Variants in PRKCB observed in about 807,000 individuals in gnomAD.
The protein encoded by PRKCB is protein kinase C beta type.
A neutral mutation model predicts 81.5 loss-of-function variants in PRKCB; 13 were observed. The observed-to-expected ratio is 0.16, with a 90% CI of 0.10 to 0.25. The LOEUF (loss-of-function observed/expected upper bound fraction) is 0.25. Ranked by LOEUF, PRKCB falls within the 10% of genes least tolerant of loss-of-function variation. The pLI, the probability that PRKCB is intolerant of heterozygous loss-of-function variation, is 1.00. For missense variants in PRKCB, 509 were observed against 875.7 expected (o/e 0.58, Z 5.29); for synonymous variants, 335 against 321.4 (o/e 1.04, Z -0.45).
chr16:23,892,741 G>A (rs1293398483), intron 2 of PRKCB, among the ~76,000 whole-genome samples: 1 of 152,148 alleles, frequency 6.6e-6, no homozygotes, highest in African/African-American at 2.4e-5. Flanking sequence ...AACACAATCT[G>A]AGGGGATATA....
intron 2 of PRKCB, among the ~76,000 whole-genome samples, chr16:23,875,703 CACAT>C (rs1295851710): frequency 1.6e-5 from 2 of 127,502 alleles, no homozygotes; most frequent in Non-Finnish European, 3.4e-5. Flanking sequence ...ATGTATATCA[CACAT>C]ATATATGTAT....
intron 2 of PRKCB, among the ~76,000 whole-genome samples, chr16:23,949,237 G>C (rs28379198): frequency 5.1e-4 from 77 of 152,260 alleles, no homozygotes; most frequent in Non-Finnish European, 8.8e-4. Flanking sequence ...AAGAACGAAC[G>C]AATGGACAAA....
At chr16:23,954,416 G>T (rs1246691242) in intron 2 of PRKCB, among the ~76,000 whole-genome samples, 7 of 152,188 alleles carry the variant, frequency 4.6e-5, no homozygotes, top group Non-Finnish European at 1.0e-4. Context: ...AAGGATGATG[G>T]GCTCCTCGGG....
intron 2 of PRKCB, among the ~76,000 whole-genome samples, chr16:23,961,309 C>A (rs77072498): frequency 0.11 from 16,992 of 152,126 alleles, 1,033 homozygotes; most frequent in South Asian, 0.16. Context: ...TTATGTATAA[C>A]AAAATGTAAG....
intron 16 of PRKCB, among the ~76,000 whole-genome samples, chr16:24,193,126 ATTT>A (rs1488900793): frequency 6.6e-6 from 1 of 151,802 alleles, no homozygotes; most frequent in East Asian, 1.9e-4. Context: ...TGTCTGCCTA[ATTT>A]TTTATTTTTA....
chr16:23,945,738 A>AAAG, intron 2 of PRKCB, among the ~76,000 whole-genome samples: 1 of 152,054 alleles, frequency 6.6e-6, no homozygotes, highest in Middle Eastern at 3.2e-3. Context: ...AGAAAAAGAA[A>AAAG]AAGAAAAAGA....
intron 8 of PRKCB, among the ~76,000 whole-genome samples, chr16:24,120,869 G>T (rs1283782585): frequency 6.6e-6 from 1 of 152,092 alleles, no homozygotes; most frequent in Non-Finnish European, 1.5e-5. Context: ...GCGTAGCTGG[G>T]ACTACAGGCA....
At position 23,904,967 on chromosome 16, in the gene PRKCB, A is replaced by G. The variant is rs571406608; in HGVS notation, c.205+67561A>G. Among the ~76,000 whole-genome samples the G allele has an allele frequency of 3.3e-5, 5 of 151,910 alleles. No homozygotes were observed. The East Asian group carries it at 9.7e-4, about 29-fold the overall frequency. ...GTCATGGAAAAGGCCAGCTTTTAGC[A>G]TGCCTGGTGTTTCTGGTGTTTTCTT... On this transcript the variant is annotated intron_variant, in intron 2 of 16. Transcript: ENST00000643927.
intron 2 of PRKCB, among the ~76,000 whole-genome samples, chr16:23,902,070 TG>T (rs1246224900): frequency 2.0e-5 from 3 of 152,040 alleles, no homozygotes; most frequent in African/African-American, 7.2e-5. Context: ...GGAAGAGATT[TG>T]ATTTTAACTC....
intron 10 of PRKCB, among the ~76,000 whole-genome samples, chr16:24,164,777 G>A (rs1051207228): frequency 3.9e-5 from 6 of 152,192 alleles, no homozygotes; most frequent in African/African-American, 4.8e-5. Flanking sequence ...AAGTCGATAC[G>A]CAAGAAATAC....
intron 2 of PRKCB, among the ~76,000 whole-genome samples, chr16:23,972,028 AC>A (rs1223858660): frequency 6.6e-6 from 1 of 152,180 alleles, no homozygotes; most frequent in African/African-American, 2.4e-5. Context: ...TGTTAAAAAA[AC>A]CCCAGAATAT....
intron 2 of PRKCB, among the ~76,000 whole-genome samples, chr16:23,864,625 GC>G (rs1303753247): frequency 6.6e-6 from 1 of 152,216 alleles, no homozygotes; most frequent in Non-Finnish European, 1.5e-5. Flanking sequence ...ATTGGGAGTT[GC>G]TGTGATCAAA....
intron 9 of PRKCB, among the ~76,000 whole-genome samples, chr16:24,141,557 G>A (rs1016507626): frequency 2.0e-5 from 3 of 152,182 alleles, no homozygotes; most frequent in South Asian, 2.1e-4. Flanking sequence ...CAGAGATGAG[G>A]TAGCTTAAGC....
intron 5 of PRKCB, among the ~76,000 whole-genome samples, chr16:24,045,067 A>C (rs774260207): frequency 2.2e-4 from 33 of 152,184 alleles, no homozygotes; most frequent in Non-Finnish European, 3.2e-4. Context: ...TGTAGTTTTC[A>C]TTACGTTTCA....
At chr16:23,970,183 T>G (rs1390491018) in intron 2 of PRKCB, among the ~76,000 whole-genome samples, 2 of 152,226 alleles carry the variant, frequency 1.3e-5, no homozygotes, top group Non-Finnish European at 1.5e-5. Context: ...CTTGTGTGTT[T>G]GTATTTGGAC....
intron 13 of PRKCB, among the ~76,000 whole-genome samples, chr16:24,182,150 C>T (rs1282127413): frequency 1.3e-5 from 2 of 152,098 alleles, no homozygotes; most frequent in Admixed American, 6.5e-5. Flanking sequence ...ACACAACTTC[C>T]TGATAGGCCA....
intron 2 of PRKCB, among the ~76,000 whole-genome samples, chr16:23,967,012 A>T (rs145316102): frequency 2.9e-4 from 42 of 147,306 alleles, no homozygotes; most frequent in African/African-American, 8.0e-4. Context: ...AGTGGTTTCC[A>T]TTTTTTTTTT....
intron 2 of PRKCB, among the ~76,000 whole-genome samples, chr16:23,981,583 T>TCCTTTCCTTCCCTTCCCTTC (rs1567333308): frequency 6.7e-6 from 1 of 150,064 alleles, no homozygotes; most frequent in Non-Finnish European, 1.5e-5. Context: ...TCTTTTCCTT[T>TCCTTTCCTTCCCTTCCCTTC]CCTTTCCTTC....
intron 8 of PRKCB, among the ~76,000 whole-genome samples, chr16:24,117,066 C>A (rs198197): frequency 1.3e-5 from 2 of 151,780 alleles, no homozygotes; most frequent in East Asian, 3.9e-4. Flanking sequence ...GCATACTGTA[C>A]TTGTTGATTT....
Sources: allele counts gnomAD v4.1 joint callset (sites outside exome capture counted in the v4.1 genomes callset), GRCh38; gene constraint gnomAD v4.1.1; transcripts MANE v1.5; gene names NCBI Gene and HGNC (gene_info 2026-07-23, HGNC 2026-07-21).